Variants in NAA11 observed in about 807,000 individuals in gnomAD.
NAA11 encodes N-alpha-acetyltransferase 11, NatA catalytic subunit, also known as N-alpha-acetyltransferase 11.
In NAA11, 15 loss-of-function variants were observed where a neutral mutation model predicts 16.1. The ratio of observed to expected loss-of-function variants is 0.93; its 90% CI spans 0.62 to 1.44. NAA11 has a LOEUF of 1.44. Ranked by LOEUF, NAA11 falls within the 40% of genes most tolerant of loss-of-function variation. The probability of loss-of-function intolerance (pLI) is 0.00; values close to 1 mark genes in which losing one functional copy is unlikely to be tolerated. For missense variants in NAA11, 298 were observed against 291.3 expected (o/e 1.02, Z -0.17); for synonymous variants, 122 against 112.4 (o/e 1.09, Z -0.54).
At chr4:79,223,560 G>T (rs1423153195), downstream of NAA11, among the ~76,000 whole-genome samples, 1 of 150,596 alleles carries the variant, frequency 6.6e-6, no homozygotes, top group Non-Finnish European at 1.5e-5. Context: ...ACGAGTTAGT[G>T]GGTTCAGCGC....
At chr4:79,314,498 T>C (rs1409433394), downstream of NAA11, among the ~76,000 whole-genome samples, 1 of 152,050 alleles carries the variant, frequency 6.6e-6, no homozygotes, top group Non-Finnish European at 1.5e-5. Flanking sequence ...AACTGCATTT[T>C]TAACATAGCA....
chr4:79,318,741 C>T (rs937846117), intron 1 of NAA11, among the ~76,000 whole-genome samples: 3 of 152,096 alleles, frequency 2.0e-5, no homozygotes, highest in Admixed American at 6.5e-5. Flanking sequence ...TTCATTTTTG[C>T]ATGAACAGGC....
intron 1 of NAA11, among the ~76,000 whole-genome samples, chr4:79,320,389 T>C (rs1037804910): frequency 6.6e-6 from 1 of 152,190 alleles, no homozygotes; most frequent in Non-Finnish European, 1.5e-5. Context: ...CTAAAATTTA[T>C]TGATTATTTT....
At chr4:79,219,062 G>C in the NAA11 span, among the ~76,000 whole-genome samples, 2 of 152,072 alleles carry the variant, frequency 1.3e-5, no homozygotes, top group African/African-American at 4.8e-5. Flanking sequence ...TTATAAATGG[G>C]TTATGCCCTT....
chr4:79,214,741 T>C, the NAA11 span, among the ~76,000 whole-genome samples: 1 of 151,960 alleles, frequency 6.6e-6, no homozygotes, highest in Non-Finnish European at 1.5e-5. Context: ...GAGCTTGCAG[T>C]GAGCCGAGAT....
At chr4:79,251,581 A>C (rs560123320) in intron 2 of NAA11, among the ~76,000 whole-genome samples, 1 of 152,172 alleles carries the variant, frequency 6.6e-6, no homozygotes, top group African/African-American at 2.4e-5. Flanking sequence ...CATAACAGGC[A>C]ATTTTCCTGC....
At chr4:79,309,721 T>C (rs931840584) in intron 1 of NAA11, among the ~76,000 whole-genome samples, 5 of 137,250 alleles carry the variant, frequency 3.6e-5, no homozygotes, top group East Asian at 2.1e-4. Context: ...TTTCTTTTTT[T>C]TTTTTTTTTT....
the NAA11 span, among the ~76,000 whole-genome samples, chr4:79,208,947 AC>A: frequency 2.1e-4 from 29 of 141,000 alleles, no homozygotes; most frequent in African/African-American, 7.0e-4. Flanking sequence ...AAAAAAAAAA[AC>A]CCCAAAAAAC....
chr4:79,278,063 G>A (rs1278733257), intron 2 of NAA11, among the ~76,000 whole-genome samples: 1 of 152,056 alleles, frequency 6.6e-6, no homozygotes, highest in Non-Finnish European at 1.5e-5. Flanking sequence ...TCATTTCTTA[G>A]ACTCCCCATG....
chr4:79,291,581 G>A (rs1723087020), intron 2 of NAA11, among the ~76,000 whole-genome samples: 1 of 152,046 alleles, frequency 6.6e-6, no homozygotes, highest in African/African-American at 2.4e-5. Context: ...AAAATCAGCT[G>A]GGCGTGGTGG....
At chr4:79,191,645 G>T in the NAA11 span, among the ~76,000 whole-genome samples, 3 of 152,136 alleles carry the variant, frequency 2.0e-5, no homozygotes, top group Non-Finnish European at 4.4e-5. Context: ...TGTTTACTCT[G>T]TTGATAGTTT....
chr4:79,216,595 C>A, the NAA11 span, among the ~76,000 whole-genome samples: 3 of 151,746 alleles, frequency 2.0e-5, no homozygotes, highest in Non-Finnish European at 4.4e-5. Flanking sequence ...GCTGAATTTC[C>A]CAAAAAGTAT....
At chr4:79,295,813 A>C (rs1723205270) in intron 1 of NAA11, among the ~76,000 whole-genome samples, 1 of 152,208 alleles carries the variant, frequency 6.6e-6, no homozygotes. Context: ...TCATTGATAA[A>C]GTAATGCAGA....
chr4:79,164,521 A>G, the NAA11 span, among the ~76,000 whole-genome samples: 1 of 152,016 alleles, frequency 6.6e-6, no homozygotes. Context: ...GATGAGATAC[A>G]CTCTTTCACC....
the NAA11 span, among the ~76,000 whole-genome samples, chr4:79,160,483 G>T: frequency 2.6e-5 from 4 of 152,176 alleles, no homozygotes; most frequent in Non-Finnish European, 5.9e-5. Context: ...CGCCAGTAGT[G>T]CATGGGGTAC....
At chr4:79,303,817 C>G (rs182357197) in intron 1 of NAA11, among the ~76,000 whole-genome samples, 2 of 152,296 alleles carry the variant, frequency 1.3e-5, no homozygotes, top group East Asian at 3.9e-4. Flanking sequence ...TATGAAAACA[C>G]AGACCTTTTC....
chr4:79,180,475 A>C, the NAA11 span, among the ~76,000 whole-genome samples: 15 of 152,352 alleles, frequency 9.8e-5, no homozygotes, highest in African/African-American at 3.6e-4. Flanking sequence ...AGACACAGGA[A>C]AAAATGCTCA....
At chr4:79,272,301 T>G (rs1047424569) in intron 2 of NAA11, among the ~76,000 whole-genome samples, 1 of 152,096 alleles carries the variant, frequency 6.6e-6, no homozygotes, top group African/African-American at 2.4e-5. Context: ...TTTTCCAAAC[T>G]TGTTGGAGTT....
downstream of NAA11, among the ~76,000 whole-genome samples, chr4:79,315,804 G>A (rs532592975): frequency 6.6e-6 from 1 of 152,196 alleles, no homozygotes; most frequent in African/African-American, 2.4e-5. Context: ...CACCGCTACT[G>A]TCCTGGAACC....
Sources: gnomAD v4.1 joint callset for allele counts (sites outside exome capture counted in the v4.1 genomes callset) on GRCh38, gnomAD v4.1.1 for gene constraint, MANE v1.5 for transcripts, NCBI Gene and HGNC (gene_info 2026-07-23, HGNC 2026-07-21) for gene names.